Variants in SCHIP1 observed in about 807,000 individuals in gnomAD.
SCHIP1 encodes schwannomin interacting protein 1, also known as schwannomin-interacting protein 1.
In SCHIP1, 8 loss-of-function variants were observed where a neutral mutation model predicts 29.7. That is an observed-to-expected ratio of 0.27 (90% CI 0.16 to 0.49). The LOEUF (loss-of-function observed/expected upper bound fraction) is 0.49, where lower values mean the gene tolerates loss of function less well. Among genes scored for constraint, SCHIP1 ranks in the 20% least tolerant of loss-of-function variants. SCHIP1 has a pLI of 0.99. For missense variants in SCHIP1, 193 were observed against 294.6 expected (o/e 0.66, Z 2.52); for synonymous variants, 76 against 94.9 (o/e 0.80, Z 1.16).
the SCHIP1 span, among the ~76,000 whole-genome samples, chr3:159,340,465 G>A: frequency 6.6e-6 from 1 of 151,868 alleles, no homozygotes. Context: ...AATACTGAAA[G>A]TTTATAGCCA....
chr3:159,680,796 A>G, the SCHIP1 span, among the ~76,000 whole-genome samples: 3 of 107,490 alleles, frequency 2.8e-5, no homozygotes, highest in African/African-American at 9.3e-5. Context: ...ACAATAGTTA[A>G]TATTCTTTGG....
At position 159,840,171 on chromosome 3, in the gene SCHIP1, T is replaced by C. The variant is rs907571716; in HGVS notation, c.-14T>C. The stretch of plus-strand genomic sequence containing the variant: ...CAGTCCTGCGTTGGGGTCTGCGCCC[T>C]AGGATGCACTGAGATGGTACATCAG... On this transcript the variant is annotated 5_prime_UTR_variant, in exon 1 of 7. Transcript: ENST00000445224. The C allele has an allele frequency of 2.6e-6, 4 of 1,535,468 alleles. No homozygotes were observed. In the African/African-American group the frequency reaches 4.1e-5, roughly 16 times the overall value.
At chr3:159,405,258 A>G in the SCHIP1 span, among the ~76,000 whole-genome samples, 3 of 152,228 alleles carry the variant, frequency 2.0e-5, no homozygotes, top group African/African-American at 7.2e-5. Flanking sequence ...ACAAGCATCA[A>G]GATCATCCAG....
At chr3:159,645,793 C>T in the SCHIP1 span, among the ~76,000 whole-genome samples, 1 of 151,972 alleles carries the variant, frequency 6.6e-6, no homozygotes, top group Admixed American at 6.6e-5. Flanking sequence ...TGGTGAATCA[C>T]CATAGGAAAA....
chr3:159,445,035 TTAAAC>T, the SCHIP1 span, among the ~76,000 whole-genome samples: 1 of 151,888 alleles, frequency 6.6e-6, no homozygotes, highest in Admixed American at 6.6e-5. Flanking sequence ...TGGGATCTAA[TTAAAC>T]TAAAGAGCTT....
chr3:159,694,053 T>C, the SCHIP1 span, among the ~76,000 whole-genome samples: 4 of 152,184 alleles, frequency 2.6e-5, no homozygotes, highest in Non-Finnish European at 5.9e-5. Flanking sequence ...CTCACCTATC[T>C]GTGATATTCT....
chr3:159,691,964 G>A, the SCHIP1 span, among the ~76,000 whole-genome samples: 1 of 150,724 alleles, frequency 6.6e-6, no homozygotes, highest in Non-Finnish European at 1.5e-5. Flanking sequence ...TCTGCAGAGA[G>A]ATCTGCTCTT....
At chr3:159,602,987 G>A in the SCHIP1 span, among the ~76,000 whole-genome samples, 7 of 152,098 alleles carry the variant, frequency 4.6e-5, no homozygotes, top group Admixed American at 2.6e-4. Context: ...CCATAAGATT[G>A]TCCCCCACTT....
the SCHIP1 span, among the ~76,000 whole-genome samples, chr3:159,408,210 A>G: frequency 3.3e-4 from 50 of 152,038 alleles, no homozygotes; most frequent in Non-Finnish European, 6.3e-4. Flanking sequence ...AGGCAGAAGA[A>G]TGGCGTGAAC....
At chr3:159,673,674 T>C in the SCHIP1 span, among the ~76,000 whole-genome samples, 1 of 152,194 alleles carries the variant, frequency 6.6e-6, no homozygotes, top group African/African-American at 2.4e-5. Flanking sequence ...CATTTATCTC[T>C]AGAAATGCGT....
the SCHIP1 span, among the ~76,000 whole-genome samples, chr3:159,342,685 C>A: frequency 6.6e-6 from 1 of 152,094 alleles, no homozygotes; most frequent in African/African-American, 2.4e-5. Context: ...TAATGAACAG[C>A]AATTTAGCAG....
At chr3:159,348,949 A>G in the SCHIP1 span, among the ~76,000 whole-genome samples, 1 of 152,210 alleles carries the variant, frequency 6.6e-6, no homozygotes, top group African/African-American at 2.4e-5. Context: ...GAAAAAATGA[A>G]TTTCTACTCA....
At chr3:159,560,327 T>C in the SCHIP1 span, among the ~76,000 whole-genome samples, 102 of 152,288 alleles carry the variant, frequency 6.7e-4, 1 homozygote, top group South Asian at 8.1e-3. Flanking sequence ...TACTATTGAA[T>C]TGTGCTCAGG....
the SCHIP1 span, among the ~76,000 whole-genome samples, chr3:159,672,835 T>G: frequency 0.079 from 12,081 of 152,060 alleles, 1,017 homozygotes; most frequent in African/African-American, 0.22. Flanking sequence ...AAATAAAATA[T>G]AAGTAAAGGT....
the SCHIP1 span, among the ~76,000 whole-genome samples, chr3:159,623,373 C>G: frequency 6.6e-6 from 1 of 152,098 alleles, no homozygotes; most frequent in Non-Finnish European, 1.5e-5. Flanking sequence ...AAGTAATAAA[C>G]AGTTTTACTT....
chr3:159,276,005 G>A, the SCHIP1 span, among the ~76,000 whole-genome samples: 9 of 152,114 alleles, frequency 5.9e-5, no homozygotes, highest in African/African-American at 2.2e-4. Context: ...AAGAATGTAG[G>A]GGCATATTTA....
the SCHIP1 span, among the ~76,000 whole-genome samples, chr3:159,420,457 C>T: frequency 6.6e-6 from 1 of 152,160 alleles, no homozygotes; most frequent in African/African-American, 2.4e-5. Context: ...GGTAAATAAA[C>T]CAAGAGTTAG....
chr3:159,431,056 T>A, the SCHIP1 span, among the ~76,000 whole-genome samples: 1 of 151,992 alleles, frequency 6.6e-6, no homozygotes, highest in Non-Finnish European at 1.5e-5. Context: ...ACAGTGAGCA[T>A]CTCCTATGGA....
the SCHIP1 span, among the ~76,000 whole-genome samples, chr3:159,393,153 T>A: frequency 6.2e-4 from 95 of 152,038 alleles, no homozygotes; most frequent in South Asian, 6.2e-4. Context: ...CACTTTTTGA[T>A]GGGGTTGTTT....
Sources: allele counts gnomAD v4.1 joint callset (sites outside exome capture counted in the v4.1 genomes callset), GRCh38; gene constraint gnomAD v4.1.1; transcripts MANE v1.5; gene names NCBI Gene and HGNC (gene_info 2026-07-23, HGNC 2026-07-21).